The following CTBP2 variants were observed in gnomAD, a reference collection of about 807,000 sequenced individuals.
The protein encoded by CTBP2 is C-terminal binding protein 2, also known as C-terminal-binding protein 2.
In CTBP2, 30 loss-of-function variants were observed where a neutral mutation model predicts 80.3. The observed-to-expected ratio is 0.37, with a 90% CI of 0.28 to 0.51. CTBP2 has a LOEUF of 0.51. Among genes scored for constraint, CTBP2 ranks in the 20% least tolerant of loss-of-function variants. The pLI is 0.93. For missense variants in CTBP2, 1,212 were observed against 1,375.3 expected (o/e 0.88, Z 1.88); for synonymous variants, 594 against 587.4 (o/e 1.01, Z -0.16).
intron 1 of CTBP2, among the ~76,000 whole-genome samples, chr10:125,150,997 G>T (rs1859745207): frequency 6.6e-6 from 1 of 151,556 alleles, no homozygotes; most frequent in African/African-American, 2.4e-5. Flanking sequence ...AGAGGCACAG[G>T]TGATAGTTAG....
chr10:125,111,432 C>T (rs954353731), intron 1 of CTBP2, among the ~76,000 whole-genome samples: 1 of 152,160 alleles, frequency 6.6e-6, no homozygotes, highest in African/African-American at 2.4e-5. Context: ...GAATCAATAC[C>T]TTCAAGCAAA....
Position 125,027,727 on chromosome 10 carries a change from A to G in CTBP2, c.33T>C (p.Gly11=). The change falls in exon 1 of 9, where the codon GGT becomes GGC. Residue 11 remains glycine (G), a synonymous_variant. Transcript: ENST00000309035. ...CAGCAGCATCCCAGCTCTGAGAACG[A>G]CCAATATTTATATGCCTGCTGGGAA... The G allele has an allele frequency of 6.2e-7, 1 of 1,606,942 alleles. No homozygotes were observed. The highest frequency in any genetic ancestry group is 8.5e-7 in the Non-Finnish European group (1 of 1,175,318).
At chr10:125,002,623 G>A (rs755237628) in intron 3 of CTBP2, among the ~76,000 whole-genome samples, 3 of 152,190 alleles carry the variant, frequency 2.0e-5, no homozygotes, top group Admixed American at 1.3e-4. Context: ...ACCCAGCAGG[G>A]GTGGTTTAGA....
chr10:125,010,128 AG>A (rs1955702744), intron 1 of CTBP2, among the ~76,000 whole-genome samples: 2 of 146,762 alleles, frequency 1.4e-5, no homozygotes, highest in African/African-American at 2.5e-5. Flanking sequence ...CCACAGGAGC[AG>A]GGTGCTGATG....
intron 1 of CTBP2, among the ~76,000 whole-genome samples, chr10:125,118,846 A>C (rs548437649): frequency 1.3e-5 from 2 of 152,320 alleles, no homozygotes; most frequent in South Asian, 4.1e-4. Context: ...ACTCAGAAGC[A>C]CTTGAAGGTA....
At chr10:125,023,397 C>T (rs567288830) in intron 1 of CTBP2, among the ~76,000 whole-genome samples, 3 of 152,212 alleles carry the variant, frequency 2.0e-5, no homozygotes, top group Non-Finnish European at 4.4e-5. Context: ...CAGCCCCATT[C>T]GTTCGTTGTT....
upstream of CTBP2, among the ~76,000 whole-genome samples, chr10:125,029,829 G>A (rs901418995): frequency 1.3e-5 from 2 of 152,178 alleles, no homozygotes; most frequent in African/African-American, 4.8e-5. Context: ...GGGCTCTATA[G>A]AAGAATGTTT....
chr10:125,009,063 G>A (rs1700297913), intron 1 of CTBP2, among the ~76,000 whole-genome samples: 1 of 152,192 alleles, frequency 6.6e-6, no homozygotes, highest in African/African-American at 2.4e-5. Flanking sequence ...TCCAGCCAAC[G>A]GAAACTGGAC....
At chr10:125,099,732 G>A (rs1472667809) in intron 2 of CTBP2, among the ~76,000 whole-genome samples, 1 of 152,224 alleles carries the variant, frequency 6.6e-6, no homozygotes, top group Non-Finnish European at 1.5e-5. Flanking sequence ...AGTGGCAGAA[G>A]GGTCCCAAGG....
In CTBP2 at chr10:125,046,903, C is replaced by G. The variant is rs369431747; in HGVS notation, c.-101-7748G>C. Among the ~76,000 whole-genome samples the G allele has an allele frequency of 7.2e-5, 11 of 152,318 alleles. No homozygotes were observed. The East Asian group carries it at 1.5e-3, about 21-fold the overall frequency. The stretch of plus-strand genomic sequence containing the variant: ...ACATTTCCTCGTGTTAAATGCAAGA[C>G]TCCAAAATTCTAAATATTTTCACTT... On this transcript the variant is annotated intron_variant, in intron 2 of 10. Coordinates refer to the CTBP2 transcript ENST00000337195.
chr10:125,077,943 G>A (rs1261790566), intron 2 of CTBP2, among the ~76,000 whole-genome samples: 3 of 152,164 alleles, frequency 2.0e-5, no homozygotes, highest in Non-Finnish European at 4.4e-5. Context: ...TGCTGATGGG[G>A]GGAGGTGGGG....
In CTBP2 at chr10:125,027,380, T is replaced by C. The variant is rs577999458; in HGVS notation, c.380A>G (p.Tyr127Cys). 14 of 1,613,592 alleles carry C rather than the reference T, an allele frequency of 8.7e-6. No individual in the cohort carries two copies. In the East Asian group the frequency reaches 2.7e-4, roughly 31 times the overall value. ...CGGCCGGCTGACTCCTGGGTCCCGA[T>C]AGAGGGGAGGCTCTTTGGGTACCCT... Residue 127 changes from tyrosine to cysteine, a missense_variant, in exon 1 of 9, where the codon TAT becomes TGT. Tyr to Cys is a radical substitution (Grantham distance 194, BLOSUM62 -2). Transcript: ENST00000309035.
At chr10:125,037,402 C>A (rs1208265306) in intron 3 of CTBP2, among the ~76,000 whole-genome samples, 1 of 152,210 alleles carries the variant, frequency 6.6e-6, no homozygotes, top group African/African-American at 2.4e-5. Flanking sequence ...CCTTGGAAAG[C>A]TGAGTCACGA....
intron 2 of CTBP2, among the ~76,000 whole-genome samples, chr10:125,046,825 C>G (rs535798599): frequency 2.6e-5 from 4 of 152,328 alleles, no homozygotes; most frequent in South Asian, 4.1e-4. Flanking sequence ...CCTTGGCCAA[C>G]AAAGCTGAGT....
chr10:125,139,734 G>A (rs1446556179), intron 1 of CTBP2, among the ~76,000 whole-genome samples: 1 of 152,190 alleles, frequency 6.6e-6, no homozygotes, highest in African/African-American at 2.4e-5. Context: ...CCAAAGTGTG[G>A]AGATAGATGT....
rs1951990665 is a variant in CTBP2 at position 124,984,570 on chromosome 10, T to C, written c.*4948A>G. ...TCCTCTTTAGTTTTTTTCTGAGAAATTTCCCATTTATGTCTTTTTAAATTT... is the reference window on the plus strand; with the variant it reads ...TCCTCTTTAGTTTTTTTCTGAGAAACTTCCCATTTATGTCTTTTTAAATTT... On this transcript the variant is annotated 3_prime_UTR_variant, in exon 9 of 9. Coordinates refer to ENST00000309035, the MANE Select transcript of CTBP2 (RefSeq NM_022802.3). 1.9e-6 allele frequency: 1 copy of C among 538,962 alleles called. No individual in the cohort carries two copies. The highest frequency in any genetic ancestry group is 3.2e-6 in the Non-Finnish European group (1 of 309,250). The allele number at this position is 538,962 out of a possible 1,614,324, so 33.4% of individuals were successfully genotyped here. A position where few individuals can be genotyped will look rare whatever the true frequency, so the allele number is the denominator to read the frequency against.
intron 2 of CTBP2, among the ~76,000 whole-genome samples, chr10:125,086,860 G>A (rs1248027000): frequency 1.3e-5 from 2 of 152,082 alleles, no homozygotes; most frequent in African/African-American, 4.8e-5. Flanking sequence ...GAGAAAGCCA[G>A]GCCCTCAGGG....
At chr10:125,114,984 T>C (rs1453837842) in intron 1 of CTBP2, among the ~76,000 whole-genome samples, 2 of 152,086 alleles carry the variant, frequency 1.3e-5, no homozygotes, top group African/African-American at 4.8e-5. Context: ...CGTTAGGACT[T>C]GAGGCTTTCT....
intron 1 of CTBP2, among the ~76,000 whole-genome samples, chr10:125,157,145 C>A (rs1374251880): frequency 1.3e-5 from 2 of 152,194 alleles, no homozygotes; most frequent in Non-Finnish European, 2.9e-5. Flanking sequence ...TTTCTCTTCA[C>A]GGAATTGATG....
Sources: allele counts gnomAD v4.1 joint callset (sites outside exome capture counted in the v4.1 genomes callset), GRCh38; gene constraint gnomAD v4.1.1; transcripts MANE v1.5; gene names NCBI Gene and HGNC (gene_info 2026-07-23, HGNC 2026-07-21).